The following DMXL2 variants were observed in gnomAD, a reference collection of about 807,000 sequenced individuals.
DMXL2 encodes the protein Dmx like 2.
A neutral mutation model predicts 331.1 loss-of-function variants in DMXL2; 103 were observed. That is an observed-to-expected ratio of 0.31 (90% CI 0.27 to 0.37). The LOEUF (loss-of-function observed/expected upper bound fraction) is 0.37. Among genes scored for constraint, DMXL2 ranks in the 10% least tolerant of loss-of-function variants. DMXL2 has a pLI of 1.00. For missense variants in DMXL2, 3,171 were observed against 3,642.9 expected, an observed-to-expected ratio of 0.87 and a Z score of 3.33; for synonymous variants, 1,281 against 1,252.1, an observed-to-expected ratio of 1.02 and a Z score of -0.49.
intron 16 of DMXL2, among the ~76,000 whole-genome samples, chr15:51,505,957 C>G (rs1233336808): frequency 1.3e-5 from 2 of 152,178 alleles, no homozygotes; most frequent in Non-Finnish European, 2.9e-5. Flanking sequence ...TTTAAAAAAT[C>G]TGTGATCAAT....
chr15:51,458,858 T>A, intron 34 of DMXL2, 63 bp from the exon 35 acceptor site: 1 of 1,323,410 alleles, frequency 7.6e-7, no homozygotes, highest in Non-Finnish European at 1.1e-6. Flanking sequence ...GTTATGCACA[T>A]CCCATAAGAT....
At chr15:51,606,155 T>C (rs1407871820) in intron 1 of DMXL2, among the ~76,000 whole-genome samples, 1 of 152,166 alleles carries the variant, frequency 6.6e-6, no homozygotes, top group Non-Finnish European at 1.5e-5. Context: ...CCACATAACA[T>C]TAGAGACCTA....
intron 19 of DMXL2, 90 bp downstream of exon 19, chr15:51,494,934 T>A: frequency 1.2e-6 from 1 of 841,422 alleles, no homozygotes; most frequent in South Asian, 1.7e-5. Flanking sequence ...ACGTAATGAC[T>A]TACCTAATGT....
At chr15:51,532,086 G>C (rs1387470403) in intron 13 of DMXL2, among the ~76,000 whole-genome samples, 2 of 151,878 alleles carry the variant, frequency 1.3e-5, no homozygotes, top group African/African-American at 4.8e-5. Context: ...GTTTGTTGCA[G>C]CTCTGTTCAA....
intron 13 of DMXL2, among the ~76,000 whole-genome samples, chr15:51,527,894 G>A (rs1253652571): frequency 6.6e-6 from 1 of 152,046 alleles, no homozygotes; most frequent in Non-Finnish European, 1.5e-5. Context: ...AGATACAGAT[G>A]GTACAAAAAG....
At chr15:51,614,160 CAT>C (rs537654538) in intron 1 of DMXL2, among the ~76,000 whole-genome samples, 80 of 152,150 alleles carry the variant, frequency 5.3e-4, no homozygotes, top group African/African-American at 1.8e-3. Flanking sequence ...AAGGAAAAGC[CAT>C]ATGAGGAAAT....
chr15:51,594,946 C>CAT (rs1338312531), intron 1 of DMXL2, among the ~76,000 whole-genome samples: 2 of 151,924 alleles, frequency 1.3e-5, no homozygotes, highest in Non-Finnish European at 2.9e-5. Context: ...GACGGTCTGT[C>CAT]ATATCACAGC....
intron 1 of DMXL2, among the ~76,000 whole-genome samples, chr15:51,611,755 T>TG (rs1252149265): frequency 6.6e-6 from 1 of 152,154 alleles, no homozygotes; most frequent in African/African-American, 2.4e-5. Context: ...AATGGGGACT[T>TG]GGAGAACTTT....
At chr15:51,454,313 A>G (rs926247078) in intron 40 of DMXL2, among the ~76,000 whole-genome samples, 5 of 152,180 alleles carry the variant, frequency 3.3e-5, no homozygotes, top group African/African-American at 7.2e-5. Context: ...CACACAGGAC[A>G]GCATCACCTT....
intron 13 of DMXL2, among the ~76,000 whole-genome samples, chr15:51,524,952 C>T (rs1377945229): frequency 6.6e-6 from 1 of 151,856 alleles, no homozygotes; most frequent in East Asian, 1.9e-4. Context: ...CTTCCCTAAC[C>T]CCAGGCTGTA....
At chr15:51,466,886 T>C (rs1303767306) in intron 29 of DMXL2, among the ~76,000 whole-genome samples, 1 of 151,968 alleles carries the variant, frequency 6.6e-6, no homozygotes, top group Non-Finnish European at 1.5e-5. Context: ...GGAATTTTTT[T>C]TAAATAAAAA....
chr15:51,466,068 T>TA, intron 30 of DMXL2, 116 bp downstream of exon 30: 1 of 925,630 alleles, frequency 1.1e-6, no homozygotes. Flanking sequence ...CCTGGAAACA[T>TA]AAGTCATTTC....
At chr15:51,575,904 T>C (rs1280841704) in intron 2 of DMXL2, 152 bp downstream of exon 2, 1 of 707,350 alleles carries the variant, frequency 1.4e-6, no homozygotes. Flanking sequence ...CTTTACAATT[T>C]GTATAAACCT....
In DMXL2 at chr15:51,576,087, C is replaced by A. The variant is rs959059536; in HGVS notation, c.182G>T (p.Ser61Ile). 1 of 1,582,838 alleles carries A rather than the reference C, an allele frequency of 6.3e-7. No homozygotes were observed. The highest frequency in any genetic ancestry group is 8.6e-7 in the Non-Finnish European group (1 of 1,162,012). Residue 61 changes from serine to isoleucine, a missense_variant, in exon 2 of 44, where the codon AGC (serine) becomes ATC (isoleucine). Physicochemically the swap from Ser to Ile is moderately radical, Grantham distance 142. Around this residue, in one of 7 missense-constraint regions of DMXL2, gnomAD observed 1,674 missense variants for 1,780.2 expected, o/e 0.94. Coordinates refer to ENST00000560891, the MANE Select transcript of DMXL2 (RefSeq NM_001378457.1). ...PGAKHGNIQV[S>I]CVECSNQQGR... ...TTGTTGGTTAGAACACTCCACACAG[C>A]TGACTTGGATGTTTCCATGCTTAGC... is the stretch of plus-strand genomic sequence containing the variant.
At chr15:51,470,486 A>G (rs981640554) in intron 29 of DMXL2, among the ~76,000 whole-genome samples, 1 of 152,166 alleles carries the variant, frequency 6.6e-6, no homozygotes, top group African/African-American at 2.4e-5. Context: ...AAGACTTTTT[A>G]AGGATCAGCT....
chr15:51,538,749 G>T (rs970547116), intron 9 of DMXL2, among the ~76,000 whole-genome samples: 3 of 152,076 alleles, frequency 2.0e-5, no homozygotes, highest in Non-Finnish European at 4.4e-5. Context: ...AGCTATAAAA[G>T]AGATAACTAG....
In DMXL2 at chr15:51,568,941, G is replaced by T. The variant is rs150103522; in HGVS notation, c.214-383C>A. ...CTCACTGGGACTGGCTGGACAGTGG[G>T]TACAGCCCGCAGAGGTTGAGCTGAA... On this transcript the variant is annotated intron_variant, in intron 2 of 43. Transcript: ENST00000560891. Among the ~76,000 whole-genome samples the T allele has an allele frequency of 5.7e-3, 866 of 152,266 alleles. 2 individuals carry two copies. Among genetic ancestry groups the T allele is most frequent in the Non-Finnish European group, 8.7e-3 (589 of 68,012 alleles).
At chr15:51,551,250 A>T (rs1263367449) in intron 6 of DMXL2, among the ~76,000 whole-genome samples, 2 of 152,330 alleles carry the variant, frequency 1.3e-5, no homozygotes, top group African/African-American at 2.4e-5. Flanking sequence ...TAACCTCCAT[A>T]GGATCCTTAC....
rs75204212 is a variant in DMXL2, at chr15:51,614,359, A to C, written c.87+8100T>G. ...AATTAATACAACATATTAAACTCCTAAAGTACAGAATCTCTACACTCCAGG... is the reference window on the plus strand; with the variant it reads ...AATTAATACAACATATTAAACTCCTCAAGTACAGAATCTCTACACTCCAGG... On this transcript the variant is annotated intron_variant, in intron 1 of 43. Coordinates refer to ENST00000560891, the MANE Select transcript of DMXL2 (RefSeq NM_001378457.1). Among the ~76,000 whole-genome samples, 271 of 152,308 alleles carry C rather than the reference A, an allele frequency of 1.8e-3. 1 individual carries two copies. Among genetic ancestry groups the C allele is most frequent in the African/African-American group, 6.3e-3 (263 of 41,546 alleles).
Sources: allele counts gnomAD v4.1 joint callset (sites outside exome capture counted in the v4.1 genomes callset), GRCh38; gene constraint gnomAD v4.1.1; regional missense constraint gnomAD v4.1.1; transcripts MANE v1.5; gene names NCBI Gene and HGNC (gene_info 2026-07-23, HGNC 2026-07-21).